SNX29: variants seen among roughly 807,000 people sequenced by gnomAD.
SNX29 encodes the protein sorting nexin-29.
A neutral mutation model predicts 102.1 loss-of-function variants in SNX29; 78 were observed. That is an observed-to-expected ratio of 0.76 (90% CI 0.64 to 0.92). SNX29 has a LOEUF of 0.92. Ranked by LOEUF, SNX29 falls within the 40% of genes least tolerant of loss-of-function variation. SNX29 has a pLI of 0.00. For synonymous variants in SNX29, 580 were observed against 414.5 expected (o/e 1.40, Z -4.85); for missense variants, 1,280 against 1,061.7 (o/e 1.21, Z -2.86).
chr16:12,565,968 C>T (rs972843570), intron 20 of SNX29, among the ~76,000 whole-genome samples: 2 of 152,178 alleles, frequency 1.3e-5, no homozygotes, highest in African/African-American at 4.8e-5. Flanking sequence ...GACACTGTGG[C>T]TTTCCAAACC....
chr16:12,465,368 C>G (rs947190581), intron 18 of SNX29, among the ~76,000 whole-genome samples: 3 of 152,126 alleles, frequency 2.0e-5, no homozygotes, highest in East Asian at 1.9e-4. Context: ...AGTCTTTAAT[C>G]TATTTCATGA....
intron 11 of SNX29, among the ~76,000 whole-genome samples, chr16:12,114,777 C>T (rs1345959122): frequency 2.0e-5 from 3 of 151,856 alleles, no homozygotes; most frequent in South Asian, 2.1e-4. Context: ...TTAGTAGAGA[C>T]GGGGTTTCAG....
chr16:12,047,778 C>T (rs1267990421), intron 6 of SNX29, among the ~76,000 whole-genome samples: 1 of 151,852 alleles, frequency 6.6e-6, no homozygotes, highest in Admixed American at 6.6e-5. Flanking sequence ...CTGCTGCAGC[C>T]TCCCGAGTAG....
intron 19 of SNX29, among the ~76,000 whole-genome samples, chr16:12,489,623 T>G (rs138068795): frequency 2.6e-5 from 4 of 152,344 alleles, no homozygotes; most frequent in African/African-American, 9.6e-5. Context: ...TTTCCCATGG[T>G]GCGGTGTGTC....
chr16:12,537,391 G>C (rs1338738004), intron 20 of SNX29, among the ~76,000 whole-genome samples: 3 of 152,186 alleles, frequency 2.0e-5, no homozygotes, highest in Non-Finnish European at 4.4e-5. Context: ...GCAAGACTTT[G>C]AGCCAAACAG....
intron 20 of SNX29, among the ~76,000 whole-genome samples, chr16:12,554,578 C>T (rs888206975): frequency 6.6e-6 from 1 of 152,156 alleles, no homozygotes; most frequent in Non-Finnish European, 1.5e-5. Flanking sequence ...AAGCTGACAC[C>T]AAGACTTGGA....
intron 14 of SNX29, among the ~76,000 whole-genome samples, chr16:12,212,138 C>G (rs1331238791): frequency 6.6e-6 from 1 of 152,182 alleles, no homozygotes; most frequent in Non-Finnish European, 1.5e-5. Flanking sequence ...CCAGAGACGC[C>G]TGCCTATGTG....
At chr16:12,516,068 A>T (rs1017948649) in intron 19 of SNX29, among the ~76,000 whole-genome samples, 2 of 152,076 alleles carry the variant, frequency 1.3e-5, no homozygotes, top group Non-Finnish European at 2.9e-5. Context: ...AACTCCCATT[A>T]CCTTACATTA....
Position 12,562,523 on chromosome 16 carries a change from G to C in SNX29, c.2319-5983G>C, listed in dbSNP as rs961599267. ...GTGAGCAGCCCAAGTACACCTGCTG[G>C]TGAATGACACAGCCAGGAGTCATCT... On this transcript the variant is annotated intron_variant, in intron 20 of 20. Coordinates refer to ENST00000566228, the MANE Select transcript of SNX29 (RefSeq NM_032167.5). Among the ~76,000 whole-genome samples, 10 of 152,302 alleles carry C rather than the reference G, an allele frequency of 6.6e-5. No homozygotes were observed. The East Asian group carries it at 1.4e-3, about 21-fold the overall frequency.
At chr16:12,461,348 C>G in intron 18 of SNX29, among the ~76,000 whole-genome samples, 1 of 152,118 alleles carries the variant, frequency 6.6e-6, no homozygotes, top group Non-Finnish European at 1.5e-5. Flanking sequence ...AAGGAATTTC[C>G]AGAGGTGGTT....
chr16:12,043,168 T>C (rs2049954642), intron 5 of SNX29, 91 bp downstream of exon 5: 1 of 1,506,688 alleles, frequency 6.6e-7, no homozygotes, highest in South Asian at 1.2e-5. Context: ...TTCATCCTAG[T>C]TCCCCGATCT....
Position 12,048,553 on chromosome 16 carries a change from C to G in SNX29, c.681C>G (p.Val227=). ...GGGAGATCACAGCCTCCTCTGCCGT[C>G]TCCATCCTCATCAAACCTGAACAGG... ...LFREITASSA[V]SILIKPEQET... is the part of the protein sequence containing the mutation. The change falls in exon 7 of 21, where the codon GTC becomes GTG. Residue 227 remains valine, a synonymous_variant. Coordinates refer to ENST00000566228, the MANE Select transcript of SNX29 (RefSeq NM_032167.5). 1 of 1,613,984 alleles carries G rather than the reference C, an allele frequency of 6.2e-7. No individual in the cohort carries two copies. The highest frequency in any genetic ancestry group is 2.2e-5 in the East Asian group (1 of 44,886).
chr16:12,509,270 G>T (rs2089506121), intron 19 of SNX29, among the ~76,000 whole-genome samples: 1 of 152,168 alleles, frequency 6.6e-6, no homozygotes, highest in South Asian at 2.1e-4. Flanking sequence ...CATTCACTCG[G>T]TGATCACAAG....
chr16:12,564,968 G>A (rs981366212), intron 20 of SNX29, among the ~76,000 whole-genome samples: 2 of 151,242 alleles, frequency 1.3e-5, no homozygotes, highest in Admixed American at 6.6e-5. Flanking sequence ...CATTGTAAAT[G>A]TGAGGCGTTT....
At chr16:12,538,122 T>G (rs900599394) in intron 20 of SNX29, among the ~76,000 whole-genome samples, 2 of 45,490 alleles carry the variant, frequency 4.4e-5, no homozygotes, top group African/African-American at 2.1e-4. Flanking sequence ...CCCCTTGCAT[T>G]TTTTTATTTT....
At chr16:12,134,606 C>T (rs2054592865) in intron 13 of SNX29, among the ~76,000 whole-genome samples, 1 of 152,160 alleles carries the variant, frequency 6.6e-6, no homozygotes, top group South Asian at 2.1e-4. Flanking sequence ...AGATGGAAGC[C>T]ACCATGTTTT....
chr16:12,389,887 C>T (rs1452219184), intron 16 of SNX29, among the ~76,000 whole-genome samples: 1 of 152,240 alleles, frequency 6.6e-6, no homozygotes, highest in East Asian at 1.9e-4. Flanking sequence ...CTCATTGACT[C>T]TTCAAACCTT....
intron 15 of SNX29, among the ~76,000 whole-genome samples, chr16:12,289,848 G>C (rs1345356025): frequency 6.6e-6 from 1 of 152,030 alleles, no homozygotes; most frequent in Non-Finnish European, 1.5e-5. Flanking sequence ...GGCCTTGATG[G>C]ACGCGAGTGA....
intron 16 of SNX29, among the ~76,000 whole-genome samples, chr16:12,397,536 T>G (rs979562641): frequency 3.9e-5 from 6 of 152,182 alleles, no homozygotes; most frequent in African/African-American, 1.4e-4. Flanking sequence ...GTTCTCTTTT[T>G]TCACTTCACT....
Sources: allele counts gnomAD v4.1 joint callset (sites outside exome capture counted in the v4.1 genomes callset), GRCh38; gene constraint gnomAD v4.1.1; transcripts MANE v1.5; gene names NCBI Gene and HGNC (gene_info 2026-07-23, HGNC 2026-07-21).